LARP7: variants seen among roughly 807,000 people sequenced by gnomAD.
LARP7 encodes the protein La ribonucleoprotein 7, transcriptional regulator, also known as la-related protein 7.
A neutral mutation model predicts 69.3 loss-of-function variants in LARP7; 52 were observed. The ratio of observed to expected loss-of-function variants is 0.75; its 90% CI spans 0.60 to 0.95. LARP7 has a LOEUF of 0.95. Among genes scored for constraint, LARP7 ranks in the 40% least tolerant of loss-of-function variants. The pLI is 0.00. For missense variants in LARP7, 733 were observed against 673.0 expected (o/e 1.09, Z -0.99); for synonymous variants, 254 against 215.9 (o/e 1.18, Z -1.55).
chr4:112,645,623 A>G (rs2048166040), intron 2 of LARP7: 3 of 449,110 alleles, frequency 6.7e-6, no homozygotes, highest in East Asian at 7.2e-5. Flanking sequence ...GCCCCACCCA[A>G]GCGATCCTCC....
At chr4:112,650,857 GA>G (rs1271174526) in intron 10 of LARP7, among the ~76,000 whole-genome samples, 1 of 151,948 alleles carries the variant, frequency 6.6e-6, no homozygotes, top group Non-Finnish European at 1.5e-5. Flanking sequence ...TATTGGCACT[GA>G]TTTTTTTTGT....
chr4:112,656,840 C>T (rs927697072), intron 12 of LARP7, among the ~76,000 whole-genome samples: 5 of 152,148 alleles, frequency 3.3e-5, no homozygotes, highest in Admixed American at 6.5e-5. Context: ...AATGAATACT[C>T]ATTAGAATCT....
At position 112,646,414 on chromosome 4, in the gene LARP7, T is replaced by TA. The variant is rs1351698030; in HGVS notation, c.268dup (p.Ile90AsnfsTer14). ...AAAAAATTGACTACTGATGGGAAGTTAATTGCCAGAGCATTGAGAAGTTCA... is the reference window on the plus strand; with the variant it reads ...AAAAAATTGACTACTGATGGGAAGTTAAATTGCCAGAGCATTGAGAAGTTCA... On this transcript the variant is annotated frameshift_variant, in exon 3 of 13. Coordinates refer to ENST00000344442, the MANE Select transcript of LARP7 (RefSeq NM_016648.4). LOFTEE classifies it high-confidence loss of function. 3 of 1,605,582 alleles carry TA rather than the reference T, an allele frequency of 1.9e-6. No individual in the cohort carries two copies. The highest frequency in any genetic ancestry group is 2.6e-6 in the Non-Finnish European group (3 of 1,173,382).
intron 2 of LARP7, chr4:112,645,585 A>C: frequency 2.2e-6 from 1 of 455,920 alleles, no homozygotes; most frequent in Admixed American, 2.4e-5. Context: ...TGCTCACTCC[A>C]ACTTCTGCCC....
At chr4:112,653,040 T>A (rs766886115) in intron 10 of LARP7, 37 bp from the exon 11 acceptor site, 7 of 1,510,310 alleles carry the variant, frequency 4.6e-6, no homozygotes, top group African/African-American at 2.8e-5. Context: ...TGAAACTTTT[T>A]AAATTTTATT....
chr4:112,649,451 G>C, intron 8 of LARP7, 84 bp from the exon 9 acceptor site: 1 of 1,156,426 alleles, frequency 8.6e-7, no homozygotes, highest in Non-Finnish European at 1.2e-6. Flanking sequence ...GTTGCTCCAA[G>C]TCATTGTGAA....
At chr4:112,638,337 G>T (rs1468201217) in intron 1 of LARP7, among the ~76,000 whole-genome samples, 1 of 152,162 alleles carries the variant, frequency 6.6e-6, no homozygotes. Flanking sequence ...GAGAAATTAC[G>T]AAATACTTTT....
chr4:112,655,021 A>G lies in LARP7; in HGVS notation c.1668+862A>G, dbSNP rs528506593. On this transcript the variant is annotated intron_variant, in intron 12 of 12. Coordinates refer to ENST00000344442, the MANE Select transcript of LARP7 (RefSeq NM_016648.4). ...ATTTATACAAAAAAAAAAAAAAACT[A>G]ACTTAAAAAGCAAGTGTTTTTCATC... 4.0e-5 allele frequency among the ~76,000 whole-genome samples: 6 copies of G among 150,728 alleles called. No individual in the cohort carries two copies. In the South Asian group the frequency reaches 1.0e-3, roughly 26 times the overall value.
intron 1 of LARP7, among the ~76,000 whole-genome samples, chr4:112,642,391 C>A (rs1318209553): frequency 6.6e-6 from 1 of 152,186 alleles, no homozygotes; most frequent in Admixed American, 6.5e-5. Flanking sequence ...CTTGATTGAT[C>A]TACTGAAACC....
chr4:112,647,587 A>ATTTTAATTAAGTAGT, intron 7 of LARP7, 38 bp downstream of exon 7: 1 of 1,414,396 alleles, frequency 7.1e-7, no homozygotes, highest in Non-Finnish European at 9.5e-7. Context: ...AAACTAATTA[A>ATTTTAATTAAGTAGT]TTTTAATTAA....
In LARP7 at chr4:112,646,793, G is replaced by C; in HGVS notation, c.390G>C (p.Glu130Asp). ...KDEDERTVYV[E>D]LLPKNVNHSW... is the part of the protein sequence containing the mutation. The stretch of plus-strand genomic sequence containing the variant: ...ATATTGCTTTTAATTTATAATAGGA[G>C]TTACTTCCCAAAAATGTTAATCACA... The change falls in exon 5 of 13, where the codon GAG (glutamate) becomes GAC (aspartate). Residue 130 changes from glutamate (E) to aspartate (D), a missense_variant and splice_region_variant. Coordinates refer to ENST00000344442, the MANE Select transcript of LARP7 (RefSeq NM_016648.4). The C allele has an allele frequency of 6.3e-7, 1 of 1,582,308 alleles. No individual in the cohort carries two copies. The highest frequency in any genetic ancestry group is 2.0e-5 in the Admixed American group (1 of 51,218).
chr4:112,648,006 A>G (rs770876012), intron 8 of LARP7, 172 bp downstream of exon 8: 3 of 703,710 alleles, frequency 4.3e-6, no homozygotes, highest in South Asian at 4.1e-5. Context: ...AGGAACCACC[A>G]CACTCAAACA....
At position 112,647,769 on chromosome 4, in the gene LARP7, T is replaced by C. The variant is rs1247737985; in HGVS notation, c.1077T>C (p.His359=). 2.5e-6 allele frequency: 4 copies of C among 1,578,126 alleles called. No homozygotes were observed. Among genetic ancestry groups the C allele is most frequent in the Non-Finnish European group, 3.4e-6 (4 of 1,161,642 alleles). ...CTCTCTTGAAAACAAAAAGGAAACATAAGAAAAAACATAAAGAGAGACATA... is the reference window on the plus strand; with the variant it reads ...CTCTCTTGAAAACAAAAAGGAAACACAAGAAAAAACATAAAGAGAGACATA... The part of the protein sequence containing the change: ...DSSLLKTKRK[H]KKKHKERHKM... Residue 359 remains histidine, a synonymous_variant, in exon 8 of 13, where the codon CAT becomes CAC. Coordinates refer to ENST00000344442, the MANE Select transcript of LARP7 (RefSeq NM_016648.4).
rs543090583 is a variant in LARP7, at chr4:112,644,453, A to G, written c.-2-215A>G. On this transcript the variant is annotated intron_variant, in intron 1 of 12. Transcript: ENST00000344442. ...AATCTGGCCCTGTGTTTTAAAAGGTACAAAGAAACTAAAGCTATGATCCCT... is the reference window on the plus strand; with the variant it reads ...AATCTGGCCCTGTGTTTTAAAAGGTGCAAAGAAACTAAAGCTATGATCCCT... 23 of 1,191,536 alleles carry G rather than the reference A, an allele frequency of 1.9e-5. No individual in the cohort carries two copies. In the African/African-American group the frequency reaches 3.2e-4, roughly 16 times the overall value. The allele number at this position is 1,191,536 out of a possible 1,614,324, so 73.8% of individuals were successfully genotyped here.
At chr4:112,645,646 A>T in intron 2 of LARP7, 1 of 386,624 alleles carries the variant, frequency 2.6e-6, no homozygotes, top group South Asian at 1.6e-5. Context: ...CAGCCTCCCC[A>T]GTAGCTGAGA....
At chr4:112,645,622 A>AAG (rs1560925341) in intron 2 of LARP7, 2 of 334,568 alleles carry the variant, frequency 6.0e-6, no homozygotes, top group Non-Finnish European at 1.2e-5. Context: ...AGCCCCACCC[A>AAG]AGCGATCCTC....
chr4:112,644,692 A>G lies in LARP7; in HGVS notation c.23A>G (p.Gln8Arg), dbSNP rs758503259. METESGNQEKVMEEESTE... is the reference protein window; with the variant it reads METESGNREKVMEEESTE... ...GGAATGGAAACTGAAAGTGGAAATC[A>G]GGAAAAGGTAATGGAAGAAGAAAGC... The change falls in exon 2 of 13, where the codon CAG (glutamine) becomes CGG (arginine). Residue 8 changes from glutamine to arginine, a missense_variant. Physicochemically the swap from Gln to Arg is conservative, Grantham distance 43 (BLOSUM62 1). Transcript: ENST00000344442. 31 of 1,605,614 alleles carry G rather than the reference A, an allele frequency of 1.9e-5. No homozygotes were observed. In the South Asian group the frequency reaches 2.7e-4, roughly 14 times the overall value.
intron 12 of LARP7, 107 bp downstream of exon 12, chr4:112,654,266 C>G (rs1020027244): frequency 5.7e-6 from 4 of 707,810 alleles, no homozygotes; most frequent in South Asian, 5.3e-5. Flanking sequence ...TATTACCTAA[C>G]AAAAATTTAC....
At chr4:112,641,076 TAA>T (rs2047940915) in intron 1 of LARP7, among the ~76,000 whole-genome samples, 1 of 152,052 alleles carries the variant, frequency 6.6e-6, no homozygotes, top group South Asian at 2.1e-4. Flanking sequence ...TCAACCACAG[TAA>T]GGTTTTTGGA....
Sources: allele counts gnomAD v4.1 joint callset (sites outside exome capture counted in the v4.1 genomes callset), GRCh38; gene constraint gnomAD v4.1.1; transcripts MANE v1.5; gene names NCBI Gene and HGNC (gene_info 2026-07-23, HGNC 2026-07-21).